WDFY3: variants seen among roughly 807,000 people sequenced by gnomAD.
WDFY3 encodes WD repeat and FYVE domain containing 3.
Under a neutral mutation model 409.6 loss-of-function variants are expected in WDFY3, and 66 were observed. That is an observed-to-expected ratio of 0.16 (90% CI 0.13 to 0.20). The LOEUF (loss-of-function observed/expected upper bound fraction) is 0.20, where lower values mean the gene tolerates loss of function less well. WDFY3 is among the 10% of genes least tolerant of loss of function. WDFY3 has a pLI of 1.00. For missense variants in WDFY3, 3,031 were observed against 4,298.1 expected, an observed-to-expected ratio of 0.71 and a Z score of 8.24; for synonymous variants, 1,521 against 1,537.1, an observed-to-expected ratio of 0.99 and a Z score of 0.25.
At chr4:84,827,297 C>T (rs1157789327) in intron 9 of WDFY3, among the ~76,000 whole-genome samples, 5 of 152,044 alleles carry the variant, frequency 3.3e-5, no homozygotes, top group East Asian at 1.9e-4. Context: ...TATGATTAGC[C>T]TCACAAACAC....
At chr4:84,896,128 T>C (rs1476279076) in intron 3 of WDFY3, among the ~76,000 whole-genome samples, 1 of 151,722 alleles carries the variant, frequency 6.6e-6, no homozygotes. Flanking sequence ...TGGTGGTGGG[T>C]GCCTGTAATC....
chr4:84,719,364 G>A (rs1734472746), intron 47 of WDFY3, among the ~76,000 whole-genome samples: 1 of 152,132 alleles, frequency 6.6e-6, no homozygotes, highest in Admixed American at 6.6e-5. Context: ...CTCCCAAAGG[G>A]CAGTATCTAA....
intron 3 of WDFY3, among the ~76,000 whole-genome samples, chr4:84,875,437 G>C (rs906328607): frequency 6.6e-6 from 1 of 152,144 alleles, no homozygotes; most frequent in Non-Finnish European, 1.5e-5. Context: ...TGAACGTGAA[G>C]GCCTAGGACA....
chr4:84,726,087 T>C (rs1735608856), intron 45 of WDFY3, among the ~76,000 whole-genome samples: 1 of 152,144 alleles, frequency 6.6e-6, no homozygotes, highest in African/African-American at 2.4e-5. Context: ...TCGTAGATTT[T>C]GTACCATAAA....
intron 56 of WDFY3, among the ~76,000 whole-genome samples, chr4:84,698,765 C>T (rs147423220): frequency 1.3e-3 from 199 of 152,282 alleles, no homozygotes; most frequent in African/African-American, 4.3e-3. Context: ...ATGATCTTGG[C>T]TCACTGCAAC....
chr4:84,845,856 A>T (rs375556106), intron 5 of WDFY3, among the ~76,000 whole-genome samples: 1 of 152,110 alleles, frequency 6.6e-6, no homozygotes, highest in African/African-American at 2.4e-5. Flanking sequence ...CTCTCCTAAA[A>T]ATCAGGAAGG....
intron 48 of WDFY3, 103 bp from the exon 49 acceptor site, chr4:84,717,119 A>G: frequency 1.6e-6 from 2 of 1,228,644 alleles, no homozygotes; most frequent in Non-Finnish European, 1.1e-6. Flanking sequence ...AGGATGGAGG[A>G]GTAATATATA....
At chr4:84,811,108 G>T (rs540043666) in intron 13 of WDFY3, among the ~76,000 whole-genome samples, 1 of 151,860 alleles carries the variant, frequency 6.6e-6, no homozygotes, top group South Asian at 2.1e-4. Context: ...AGCAATTCTC[G>T]TGCCTCAGCC....
chr4:84,688,001 T>G, intron 62 of WDFY3, 85 bp downstream of exon 62: 1 of 1,420,640 alleles, frequency 7.0e-7, no homozygotes, highest in Non-Finnish European at 9.7e-7. Context: ...AACTCAGACA[T>G]GTTCCCCTGA....
At chr4:84,738,388 G>A (rs1432962980) in intron 40 of WDFY3, among the ~76,000 whole-genome samples, 2 of 152,066 alleles carry the variant, frequency 1.3e-5, no homozygotes, top group Non-Finnish European at 2.9e-5. Context: ...CTTCAGGTCA[G>A]GAGGTTGAGA....
At chr4:84,922,013 T>C (rs540451932) in intron 2 of WDFY3, among the ~76,000 whole-genome samples, 50 of 152,008 alleles carry the variant, frequency 3.3e-4, no homozygotes, top group Admixed American at 9.2e-4. Context: ...TAACTATACA[T>C]TTATTGTATA....
In WDFY3 at chr4:84,817,461, C is replaced by T; in HGVS notation, c.1818G>A (p.Met606Ile). Residue 606 changes from methionine to isoleucine, a missense_variant, in exon 13 of 68, where the codon ATG (methionine) becomes ATA (isoleucine). Physicochemically the swap from Met to Ile is conservative, Grantham distance 10. This residue lies in a region of WDFY3 where 1,322 missense variants were observed against 1,697.9 expected (regional missense o/e 0.78). Coordinates refer to ENST00000295888, the MANE Select transcript of WDFY3 (RefSeq NM_014991.6). Reference sequence around the variant, plus strand: ...AATGCATTAGCCCCAGGAGAGTGCCCATGTCATCGTCCCCATTTGGGGAGA... The same window carrying T: ...AATGCATTAGCCCCAGGAGAGTGCCTATGTCATCGTCCCCATTTGGGGAGA... ...LVLSPNGDDDMGTLLGLMHSA... is the reference protein window; with the variant it reads ...LVLSPNGDDDIGTLLGLMHSA... 1 of 1,613,778 alleles carries T rather than the reference C, an allele frequency of 6.2e-7. No individual in the cohort carries two copies. Among genetic ancestry groups the T allele is most frequent in the Non-Finnish European group, 8.5e-7 (1 of 1,179,800 alleles).
chr4:84,774,290 TAAG>T (rs1417764502), intron 29 of WDFY3, among the ~76,000 whole-genome samples: 1 of 152,244 alleles, frequency 6.6e-6, no homozygotes, highest in Non-Finnish European at 1.5e-5. Flanking sequence ...CATGTGAACA[TAAG>T]AACATTTCTA....
At chr4:84,809,695 T>G in intron 14 of WDFY3, 192 bp downstream of exon 14, 1 of 535,306 alleles carries the variant, frequency 1.9e-6, no homozygotes, top group South Asian at 2.8e-5. Flanking sequence ...TACACAGGCT[T>G]CCATGCTAAA....
intron 55 of WDFY3, 62 bp downstream of exon 55, chr4:84,704,276 G>T: frequency 8.4e-7 from 1 of 1,196,206 alleles, no homozygotes; most frequent in Non-Finnish European, 1.2e-6. Context: ...GTTTTAAAAG[G>T]TGACATTTTA....
intron 32 of WDFY3, among the ~76,000 whole-genome samples, chr4:84,763,357 A>AC (rs1393100585): frequency 6.6e-6 from 1 of 151,998 alleles, no homozygotes; most frequent in Non-Finnish European, 1.5e-5. Context: ...AGGGAGGGGA[A>AC]CATCATGCAC....
At chr4:84,743,011 T>A (rs1738725029) in intron 37 of WDFY3, among the ~76,000 whole-genome samples, 1 of 152,200 alleles carries the variant, frequency 6.6e-6, no homozygotes, top group Non-Finnish European at 1.5e-5. Flanking sequence ...TGAATTGACT[T>A]GAGAGTGCAC....
At chr4:84,789,494 T>A (rs1045897739) in intron 22 of WDFY3, among the ~76,000 whole-genome samples, 1 of 152,210 alleles carries the variant, frequency 6.6e-6, no homozygotes, top group African/African-American at 2.4e-5. Flanking sequence ...AGCAACTTCT[T>A]TAGTACCTAT....
At chr4:84,687,927 G>C (rs924481445) in intron 62 of WDFY3, 159 bp downstream of exon 62, 17 of 740,298 alleles carry the variant, frequency 2.3e-5, no homozygotes, top group African/African-American at 3.5e-5. Flanking sequence ...GATGGGTATA[G>C]TGCCTACAGC....
Sources: allele counts gnomAD v4.1 joint callset (sites outside exome capture counted in the v4.1 genomes callset), GRCh38; gene constraint gnomAD v4.1.1; regional missense constraint gnomAD v4.1.1; transcripts MANE v1.5; gene names NCBI Gene and HGNC (gene_info 2026-07-23, HGNC 2026-07-21).